TEAD1: variants seen among roughly 807,000 people sequenced by gnomAD.
TEAD1 encodes transcriptional enhancer factor TEF-1.
In TEAD1, 9 loss-of-function variants were observed where a neutral mutation model predicts 54.9. The observed-to-expected ratio is 0.16, with a 90% CI of 0.10 to 0.29. TEAD1 has a LOEUF of 0.29. Among genes scored for constraint, TEAD1 ranks in the 10% least tolerant of loss-of-function variants. TEAD1 has a pLI of 1.00. For missense variants in TEAD1, 387 were observed against 535.9 expected, an observed-to-expected ratio of 0.72 and a Z score of 2.74; for synonymous variants, 200 against 187.8, an observed-to-expected ratio of 1.07 and a Z score of -0.53.
intron 9 of TEAD1, among the ~76,000 whole-genome samples, chr11:12,883,352 C>G (rs975301372): frequency 3.9e-5 from 6 of 152,176 alleles, no homozygotes; most frequent in African/African-American, 1.2e-4. Flanking sequence ...TCCTGGACCC[C>G]AAGGTGCTGT....
intron 2 of TEAD1, among the ~76,000 whole-genome samples, chr11:12,678,103 T>C (rs2133806429): frequency 6.6e-6 from 1 of 152,326 alleles, no homozygotes; most frequent in Non-Finnish European, 1.5e-5. Context: ...ATGAAAGCTG[T>C]GTTTAGAGGT....
At chr11:12,813,066 C>T (rs572976229) in intron 3 of TEAD1, among the ~76,000 whole-genome samples, 121 of 152,198 alleles carry the variant, frequency 8.0e-4, no homozygotes, top group South Asian at 1.5e-3. Context: ...AGTGAGCAGA[C>T]GTGGCCTGGG....
At chr11:12,881,638 C>A (rs756178621) in intron 7 of TEAD1, among the ~76,000 whole-genome samples, 38 of 152,196 alleles carry the variant, frequency 2.5e-4, no homozygotes, top group Non-Finnish European at 4.3e-4. Flanking sequence ...AAGGCAGATG[C>A]CACAGCACAA....
chr11:12,790,128 C>G (rs1381078037), intron 3 of TEAD1, among the ~76,000 whole-genome samples: 1 of 152,254 alleles, frequency 6.6e-6, no homozygotes, highest in Non-Finnish European at 1.5e-5. Context: ...CAGCCCCAAA[C>G]TCTGTATTGG....
At chr11:12,758,238 T>G (rs181795826) in intron 2 of TEAD1, among the ~76,000 whole-genome samples, 52 of 151,664 alleles carry the variant, frequency 3.4e-4, no homozygotes, top group East Asian at 9.7e-4. Flanking sequence ...GTTTTGTTTT[T>G]TTTTTTTTAA....
chr11:12,816,783 G>C (rs1401589645), intron 3 of TEAD1, among the ~76,000 whole-genome samples: 3 of 152,170 alleles, frequency 2.0e-5, no homozygotes, highest in Non-Finnish European at 2.9e-5. Context: ...GTAAGACCTG[G>C]TTCCTGCTCT....
intron 2 of TEAD1, among the ~76,000 whole-genome samples, chr11:12,689,031 GT>G (rs1943397901): frequency 6.6e-6 from 1 of 150,782 alleles, no homozygotes; most frequent in Non-Finnish European, 1.5e-5. Context: ...TTTTGTTGTT[GT>G]TTATTTGTTT....
chr11:12,899,278 G>A (rs963289759), intron 9 of TEAD1, among the ~76,000 whole-genome samples: 4 of 128,716 alleles, frequency 3.1e-5, no homozygotes, highest in Admixed American at 8.6e-5. Flanking sequence ...TTGGATGGAC[G>A]GATACATAGC....
At chr11:12,680,322 T>G (rs997240595) in intron 2 of TEAD1, among the ~76,000 whole-genome samples, 6 of 152,340 alleles carry the variant, frequency 3.9e-5, no homozygotes, top group African/African-American at 1.4e-4. Flanking sequence ...AAGAACAACT[T>G]AGATGGGCCT....
chr11:12,872,034 T>C (rs1347366701), intron 5 of TEAD1, among the ~76,000 whole-genome samples: 1 of 152,188 alleles, frequency 6.6e-6, no homozygotes, highest in Non-Finnish European at 1.5e-5. Context: ...GCCTTTATGA[T>C]TTGATTTCTG....
chr11:12,724,495 G>T (rs1379555227), intron 2 of TEAD1, among the ~76,000 whole-genome samples: 1 of 152,214 alleles, frequency 6.6e-6, no homozygotes, highest in Non-Finnish European at 1.5e-5. Context: ...AATGAAGAGG[G>T]GCAGGCCGCT....
chr11:12,821,646 C>A (rs971017747), intron 3 of TEAD1, among the ~76,000 whole-genome samples: 6 of 151,982 alleles, frequency 3.9e-5, no homozygotes, highest in South Asian at 2.1e-4. Flanking sequence ...GTAGGAACAT[C>A]TTAATTAAAG....
At chr11:12,786,614 A>G (rs1391475965) in intron 3 of TEAD1, among the ~76,000 whole-genome samples, 1 of 152,210 alleles carries the variant, frequency 6.6e-6, no homozygotes, top group Non-Finnish European at 1.5e-5. Context: ...CCTCTGGGGC[A>G]TGGTTTCACA....
At chr11:12,728,611 G>A (rs368653188) in intron 2 of TEAD1, among the ~76,000 whole-genome samples, 1 of 152,194 alleles carries the variant, frequency 6.6e-6, no homozygotes, top group East Asian at 1.9e-4. Context: ...GGCTAGTCTT[G>A]TAATAGCGGC....
intron 5 of TEAD1, among the ~76,000 whole-genome samples, chr11:12,869,040 G>A (rs980623243): frequency 5.3e-5 from 8 of 152,260 alleles, no homozygotes; most frequent in South Asian, 2.1e-4. Context: ...GGACTATCTG[G>A]GGGACCATGA....
intron 11 of TEAD1, among the ~76,000 whole-genome samples, chr11:12,925,281 G>A (rs756295227): frequency 6.6e-6 from 1 of 152,204 alleles, no homozygotes; most frequent in Non-Finnish European, 1.5e-5. Context: ...TGATTTGGGG[G>A]GTGTCAGGAA....
chr11:12,783,024 C>T (rs1945590418), intron 3 of TEAD1, among the ~76,000 whole-genome samples: 1 of 151,472 alleles, frequency 6.6e-6, no homozygotes, highest in South Asian at 2.1e-4. Context: ...ATCTTCTTCA[C>T]AAAAGAGTAA....
At chr11:12,866,389 A>G (rs767435994) in intron 5 of TEAD1, among the ~76,000 whole-genome samples, 1 of 152,152 alleles carries the variant, frequency 6.6e-6, no homozygotes, top group African/African-American at 2.4e-5. Flanking sequence ...ACAGCCTTAG[A>G]CTGAAAGCCC....
intron 2 of TEAD1, among the ~76,000 whole-genome samples, chr11:12,751,710 C>T (rs902727851): frequency 2.9e-5 from 4 of 137,526 alleles, no homozygotes; most frequent in African/African-American, 9.9e-5. Context: ...TATACCCTAT[C>T]ATGTTTCAGA....
Sources: gnomAD v4.1 joint callset for allele counts (sites outside exome capture counted in the v4.1 genomes callset) on GRCh38, gnomAD v4.1.1 for gene constraint, MANE v1.5 for transcripts, NCBI Gene and HGNC (gene_info 2026-07-23, HGNC 2026-07-21) for gene names.